THSD4: variants seen among roughly 807,000 people sequenced by gnomAD.
The protein encoded by THSD4 is thrombospondin type 1 domain containing 4, also known as thrombospondin type-1 domain-containing protein 4.
Under a neutral mutation model 119.0 loss-of-function variants are expected in THSD4, and 69 were observed. The ratio of observed to expected loss-of-function variants is 0.58; its 90% CI spans 0.48 to 0.71. THSD4 has a LOEUF of 0.71. Among genes scored for constraint, THSD4 ranks in the 30% least tolerant of loss-of-function variants. THSD4 has a pLI of 0.00. For synonymous variants in THSD4, 524 were observed against 540.4 expected, an observed-to-expected ratio of 0.97 and a Z score of 0.42; for missense variants, 1,393 against 1,391.1, an observed-to-expected ratio of 1.00 and a Z score of -0.02.
At chr15:71,321,701 TGA>T (rs1406328768) in intron 6 of THSD4, among the ~76,000 whole-genome samples, 5 of 152,214 alleles carry the variant, frequency 3.3e-5, no homozygotes. Flanking sequence ...GTTATGAATG[TGA>T]GAGTGCTGAA....
intron 7 of THSD4, among the ~76,000 whole-genome samples, chr15:71,516,050 A>T (rs1000328613): frequency 6.6e-6 from 1 of 152,186 alleles, no homozygotes; most frequent in African/African-American, 2.4e-5. Flanking sequence ...GACCAAGTGG[A>T]AACACTTTGG....
intron 7 of THSD4, among the ~76,000 whole-genome samples, chr15:71,513,671 G>T (rs532722879): frequency 1.9e-4 from 29 of 152,286 alleles, no homozygotes; most frequent in African/African-American, 5.5e-4. Flanking sequence ...ACCCAGCAAT[G>T]AAATTGCTGG....
At chr15:71,626,760 A>G (rs1383936275) in intron 7 of THSD4, among the ~76,000 whole-genome samples, 2 of 152,168 alleles carry the variant, frequency 1.3e-5, no homozygotes, top group African/African-American at 4.8e-5. Flanking sequence ...TGTTTTACTC[A>G]AGATCATGAC....
At chr15:71,736,473 C>T (rs994421305) in intron 10 of THSD4, among the ~76,000 whole-genome samples, 8 of 151,938 alleles carry the variant, frequency 5.3e-5, no homozygotes, top group Admixed American at 3.9e-4. Flanking sequence ...CTCTCTGTCT[C>T]TCTCACTCTC....
intron 7 of THSD4, among the ~76,000 whole-genome samples, chr15:71,442,538 C>T (rs1364985273): frequency 7.9e-6 from 1 of 126,214 alleles, no homozygotes; most frequent in Non-Finnish European, 1.6e-5. Context: ...CACTACACTC[C>T]AGCCTGGGCA....
chr15:71,256,721 A>G lies in THSD4; in HGVS notation c.1015+6A>G. The G allele has an allele frequency of 6.2e-7, 1 of 1,612,262 alleles. No homozygotes were observed. Among genetic ancestry groups the G allele is most frequent in the Non-Finnish European group, 8.5e-7 (1 of 1,178,654 alleles). ...GTGGGAACCATTTGCAGAAGGTAAGAATAGACCCAGCCCTGTCCATAGAAG... is the reference window on the plus strand; with the variant it reads ...GTGGGAACCATTTGCAGAAGGTAAGGATAGACCCAGCCCTGTCCATAGAAG... On this transcript the variant is annotated splice_donor_region_variant and intron_variant, in intron 6 of 17. Coordinates refer to ENST00000261862, the MANE Select transcript of THSD4 (RefSeq NM_024817.3).
At chr15:71,755,025 C>G (rs1412859895) in intron 14 of THSD4, among the ~76,000 whole-genome samples, 1 of 152,130 alleles carries the variant, frequency 6.6e-6, no homozygotes, top group African/African-American at 2.4e-5. Context: ...GAGTCAACTC[C>G]CCATCTCCAG....
chr15:71,550,521 C>G (rs2048911174), intron 7 of THSD4, among the ~76,000 whole-genome samples: 1 of 152,176 alleles, frequency 6.6e-6, no homozygotes, highest in African/African-American at 2.4e-5. Context: ...ACTGCAAGCT[C>G]CGCCTCCCGG....
At chr15:71,605,399 G>GAT (rs2050090179) in intron 7 of THSD4, among the ~76,000 whole-genome samples, 1 of 152,240 alleles carries the variant, frequency 6.6e-6, no homozygotes, top group East Asian at 1.9e-4. Context: ...GAGCCCCTGA[G>GAT]GGGTTTCACC....
Position 71,745,255 on chromosome 15 carries a change from T to C in THSD4, c.2036+20T>C. The C allele has an allele frequency of 6.2e-7, 1 of 1,613,272 alleles. No homozygotes were observed. Among genetic ancestry groups the C allele is most frequent in the Non-Finnish European group, 8.5e-7 (1 of 1,179,634 alleles). On this transcript the variant is annotated intron_variant, in intron 12 of 17. Transcript: ENST00000261862. ...AGCCTTGTAAGAAGGCCCCTCCATT[T>C]AGGTCGCCTATTACCGGGTCACTTC...
chr15:71,579,650 C>A (rs1025489172), intron 7 of THSD4, among the ~76,000 whole-genome samples: 7 of 152,174 alleles, frequency 4.6e-5, no homozygotes, highest in Non-Finnish European at 1.0e-4. Context: ...CATGGTAGAT[C>A]CCCTCAAATT....
In THSD4 at chr15:71,474,984, C is replaced by T. The variant is rs534491937; in HGVS notation, c.1152+63161C>T. On this transcript the variant is annotated intron_variant, in intron 7 of 17. Coordinates refer to ENST00000261862, the MANE Select transcript of THSD4 (RefSeq NM_024817.3). ...CACCTGGGAACTTGTTAGGAATGGA[C>T]ATTTCCAGGCCCACCCCAGACCGAC... Among the ~76,000 whole-genome samples, 137 of 152,324 alleles carry T rather than the reference C, an allele frequency of 9.0e-4. 2 individuals carry two copies. In the South Asian group the frequency reaches 0.013, roughly 15 times the overall value.
chr15:71,688,901 G>A (rs2051981572), intron 8 of THSD4, among the ~76,000 whole-genome samples: 1 of 151,932 alleles, frequency 6.6e-6, no homozygotes, highest in Admixed American at 6.6e-5. Context: ...TCCCCACTAT[G>A]ACAGATGTTC....
At chr15:71,638,503 G>A (rs1209620303) in intron 7 of THSD4, among the ~76,000 whole-genome samples, 1 of 152,196 alleles carries the variant, frequency 6.6e-6, no homozygotes, top group Non-Finnish European at 1.5e-5. Context: ...TTGGCAAGTA[G>A]CATTCTATGT....
At chr15:71,470,982 G>C (rs1192941836) in intron 7 of THSD4, among the ~76,000 whole-genome samples, 1 of 152,238 alleles carries the variant, frequency 6.6e-6, no homozygotes, top group African/African-American at 2.4e-5. Flanking sequence ...TTTGCAGTAT[G>C]TTTAAAGTTA....
At chr15:71,697,449 C>CATCGACAT (rs1567106742) in intron 8 of THSD4, among the ~76,000 whole-genome samples, 1 of 152,196 alleles carries the variant, frequency 6.6e-6, no homozygotes, top group Non-Finnish European at 1.5e-5. Flanking sequence ...TGCATAGGCA[C>CATCGACAT]ATCGACATAG....
intron 10 of THSD4, among the ~76,000 whole-genome samples, chr15:71,735,681 A>T (rs1230109988): frequency 9.2e-3 from 643 of 69,658 alleles, no homozygotes; most frequent in Middle Eastern, 0.023. Flanking sequence ...TGTCTCTCTC[A>T]CTTTCTGTCT....
intron 8 of THSD4, among the ~76,000 whole-genome samples, chr15:71,715,724 A>G (rs898492019): frequency 7.2e-5 from 11 of 151,924 alleles, no homozygotes; most frequent in African/African-American, 2.7e-4. Flanking sequence ...CCCCGACGTC[A>G]TCGCAATTTA....
chr15:71,269,586 G>A lies in THSD4; in HGVS notation c.1015+12871G>A, dbSNP rs540653360. Among the ~76,000 whole-genome samples, 6 of 152,158 alleles carry A rather than the reference G, an allele frequency of 3.9e-5. 1 individual carries two copies. The highest frequency in any genetic ancestry group is 3.2e-3 in the Middle Eastern group (1 of 316). On this transcript the variant is annotated intron_variant, in intron 6 of 17. Coordinates refer to ENST00000261862, the MANE Select transcript of THSD4 (RefSeq NM_024817.3). ...ACCACTCCTGTTTAACATAGTACTG[G>A]AAGTTCTGGCCAGGGCAATTAGGCA...
Sources: gnomAD v4.1 joint callset for allele counts (sites outside exome capture counted in the v4.1 genomes callset) on GRCh38, gnomAD v4.1.1 for gene constraint, MANE v1.5 for transcripts, NCBI Gene and HGNC (gene_info 2026-07-23, HGNC 2026-07-21) for gene names.